The following DPPA2 variants were observed in gnomAD, a reference collection of about 807,000 sequenced individuals.
DPPA2 encodes developmental pluripotency-associated protein 2.
Under a neutral mutation model 36.2 loss-of-function variants are expected in DPPA2, and 26 were observed. The ratio of observed to expected loss-of-function variants is 0.72; its 90% confidence interval spans 0.53 to 1.00. The LOEUF (loss-of-function observed/expected upper bound fraction) is 1.00, where lower values mean the gene tolerates loss of function less well. Among genes scored for constraint, DPPA2 ranks in the 50% least tolerant of loss-of-function variants. DPPA2 has a pLI of 0.00. For missense variants in DPPA2, 361 were observed against 365.1 expected, an observed-to-expected ratio of 0.99 and a Z score of 0.09; for synonymous variants, 113 against 123.2, an observed-to-expected ratio of 0.92 and a Z score of 0.55.
At chr3:109,308,788 G>A (rs1427293704) in intron 5 of DPPA2, among the ~76,000 whole-genome samples, 1 of 152,184 alleles carries the variant, frequency 6.6e-6, no homozygotes, top group Non-Finnish European at 1.5e-5. Context: ...CTGTGCAGGG[G>A]GAGGAAAGGT....
chr3:109,305,594 G>A lies in DPPA2; in HGVS notation c.659-924C>T, dbSNP rs1301731849. On this transcript the variant is annotated intron_variant, in intron 6 of 8. Transcript: ENST00000478945. ...GTTCGAGACCAGCCTGACCAACATGGCGAAACCCCATCTCTACTAAAAATA... is the reference window on the plus strand; with the variant it reads ...GTTCGAGACCAGCCTGACCAACATGACGAAACCCCATCTCTACTAAAAATA... 2.0e-5 allele frequency among the ~76,000 whole-genome samples: 3 copies of A among 152,024 alleles called. No individual in the cohort carries two copies. In the South Asian group the frequency reaches 6.2e-4, roughly 32 times the overall value.
At chr3:109,294,532 A>G (rs563328011) in intron 8 of DPPA2, among the ~76,000 whole-genome samples, 3 of 152,294 alleles carry the variant, frequency 2.0e-5, no homozygotes, top group African/African-American at 7.2e-5. Flanking sequence ...ATTCCACAGA[A>G]TATACTGCAA....
chr3:109,308,237 C>T lies in DPPA2; in HGVS notation c.453G>A (p.Lys151=), dbSNP rs1707615611. 1 of 1,614,122 alleles carries T rather than the reference C, an allele frequency of 6.2e-7. No homozygotes were observed. Among genetic ancestry groups the T allele is most frequent in the African/African-American group, 1.3e-5 (1 of 74,950 alleles). ...TRLQRCSRKR[K]AVTKRARLQR... is the part of the protein sequence containing the mutation. ...GAAGCCTTGCTCTCTTGGTCACTGC[C>T]TTGCGTTTCCTCGAACATCGCTGTA... The change falls in exon 6 of 9, where the codon AAG becomes AAA. Residue 151 remains lysine (K), a synonymous_variant. Transcript: ENST00000478945.
At position 109,301,979 on chromosome 3, in the gene DPPA2, C is replaced by G. The variant is rs74431660; in HGVS notation, c.855-1544G>C. On this transcript the variant is annotated intron_variant, in intron 7 of 8. Transcript: ENST00000478945. ...CAGCAGTGTCCTAAACAGCCAGTCCCAAGAGCACCACATTCATCATTACCT... is the reference window on the plus strand; with the variant it reads ...CAGCAGTGTCCTAAACAGCCAGTCCGAAGAGCACCACATTCATCATTACCT... Among the ~76,000 whole-genome samples, 1,280 of 152,294 alleles carry G rather than the reference C, an allele frequency of 8.4e-3. 18 individuals carry two copies. Among genetic ancestry groups the G allele is most frequent in the African/African-American group, 0.028 (1,170 of 41,570 alleles).
chr3:109,309,435 C>A, intron 3 of DPPA2, 105 bp from the exon 4 acceptor site: 1 of 1,313,520 alleles, frequency 7.6e-7, no homozygotes, highest in Admixed American at 2.0e-5. Context: ...CGCCTGTAAT[C>A]CCAGCACTTT....
At chr3:109,306,361 A>C (rs1311872897) in intron 6 of DPPA2, among the ~76,000 whole-genome samples, 1 of 152,236 alleles carries the variant, frequency 6.6e-6, no homozygotes, top group East Asian at 1.9e-4. Flanking sequence ...GCCTTTGCAC[A>C]AATTATTAAA....
At chr3:109,295,689 A>G (rs1346455674) in intron 8 of DPPA2, among the ~76,000 whole-genome samples, 1 of 152,064 alleles carries the variant, frequency 6.6e-6, no homozygotes, top group Non-Finnish European at 1.5e-5. Context: ...GACAAAAAGC[A>G]TGATTTGTAG....
chr3:109,315,934 T>G (rs1707777683), intron 1 of DPPA2, among the ~76,000 whole-genome samples: 2 of 152,192 alleles, frequency 1.3e-5, no homozygotes, highest in African/African-American at 4.8e-5. Context: ...AGCTTCAGTT[T>G]ACTGAGGAAC....
intron 8 of DPPA2, among the ~76,000 whole-genome samples, chr3:109,296,610 G>C (rs1707355525): frequency 6.6e-6 from 1 of 152,006 alleles, no homozygotes; most frequent in Non-Finnish European, 1.5e-5. Flanking sequence ...AGGAGGTGGA[G>C]GTTGCAGAGA....
chr3:109,296,353 C>G (rs1329230625), intron 8 of DPPA2, among the ~76,000 whole-genome samples: 1 of 152,108 alleles, frequency 6.6e-6, no homozygotes. Flanking sequence ...GCCTTACAAA[C>G]AAGAAGAGAG....
intron 6 of DPPA2, among the ~76,000 whole-genome samples, chr3:109,306,087 T>C (rs1707558751): frequency 6.6e-6 from 1 of 152,188 alleles, no homozygotes; most frequent in Non-Finnish European, 1.5e-5. Context: ...TATCTGTAAA[T>C]AAGCAGTACA....
intron 2 of DPPA2, among the ~76,000 whole-genome samples, chr3:109,313,242 C>T (rs1203814119): frequency 6.6e-6 from 1 of 152,222 alleles, no homozygotes. Flanking sequence ...GCTCACAGAG[C>T]TGTGTAGCTT....
chr3:109,309,466 T>A, intron 3 of DPPA2, 136 bp from the exon 4 acceptor site: 1 of 841,348 alleles, frequency 1.2e-6, no homozygotes, highest in South Asian at 1.7e-5. Flanking sequence ...GGTAGGCAGA[T>A]CACGAGGTCA....
chr3:109,306,334 C>A (rs147417998), intron 6 of DPPA2, among the ~76,000 whole-genome samples: 34 of 152,304 alleles, frequency 2.2e-4, no homozygotes, highest in African/African-American at 7.2e-4. Flanking sequence ...AGGCACACAG[C>A]TTTATGGCTG....
chr3:109,305,803 A>G lies in DPPA2; in HGVS notation c.659-1133T>C, dbSNP rs573579364. ...AAAAAAAAAAAAAAACGCGTAAGGA[A>G]CAATTTAAGTAGGGAGATGTGATAT... On this transcript the variant is annotated intron_variant, in intron 6 of 8. Transcript: ENST00000478945. Among the ~76,000 whole-genome samples, 269 of 151,514 alleles carry G rather than the reference A, an allele frequency of 1.8e-3. 1 individual carries two copies. The highest frequency in any genetic ancestry group is 3.1e-3 in the Non-Finnish European group (212 of 67,844).
chr3:109,313,025 T>A (rs1438368157), intron 2 of DPPA2, among the ~76,000 whole-genome samples: 4 of 152,194 alleles, frequency 2.6e-5, no homozygotes, highest in African/African-American at 9.6e-5. Context: ...TAAATCTGTA[T>A]GGAGTGTGTT....
At chr3:109,299,306 T>C (rs909998695) in intron 8 of DPPA2, among the ~76,000 whole-genome samples, 1 of 150,790 alleles carries the variant, frequency 6.6e-6, no homozygotes, top group Non-Finnish European at 1.5e-5. Context: ...AGATTAGGAG[T>C]TCGAGACAAG....
At chr3:109,311,294 C>T (rs11916562) in intron 3 of DPPA2, among the ~76,000 whole-genome samples, 2,246 of 152,204 alleles carry the variant, frequency 0.015, 56 homozygotes, top group African/African-American at 0.051. Flanking sequence ...ATTGTCTATC[C>T]CCAATCAACA....
chr3:109,309,428 C>T (rs1032405851), intron 3 of DPPA2, 98 bp from the exon 4 acceptor site: 1 of 1,378,766 alleles, frequency 7.3e-7, no homozygotes, highest in South Asian at 1.3e-5. Flanking sequence ...TGGCTCACGC[C>T]TGTAATCCCA....
Sources: gnomAD v4.1 joint callset for allele counts (sites outside exome capture counted in the v4.1 genomes callset) on GRCh38, gnomAD v4.1.1 for gene constraint, MANE v1.5 for transcripts, NCBI Gene and HGNC (gene_info 2026-07-23, HGNC 2026-07-21) for gene names.